The following ATRNL1 variants were observed in gnomAD, a reference collection of about 807,000 sequenced individuals.
The protein encoded by ATRNL1 is attractin-like protein 1.
ATRNL1 carries 95 observed loss-of-function variants against 182.7 expected under a neutral mutation model. The observed-to-expected ratio is 0.52, with a 90% confidence interval of 0.44 to 0.62. The LOEUF (loss-of-function observed/expected upper bound fraction) is 0.62, where lower values mean the gene tolerates loss of function less well. ATRNL1 is among the 20% of genes least tolerant of loss of function. The pLI, the probability that ATRNL1 is intolerant of heterozygous loss-of-function variation, is 0.00. For missense variants in ATRNL1, 1,471 were observed against 1,679.5 expected, an observed-to-expected ratio of 0.88 and a Z score of 2.17; for synonymous variants, 576 against 568.3, an observed-to-expected ratio of 1.01 and a Z score of -0.19.
chr10:115,416,056 G>C (rs1554960783), intron 20 of ATRNL1, among the ~76,000 whole-genome samples: 1 of 151,934 alleles, frequency 6.6e-6, no homozygotes, highest in Non-Finnish European at 1.5e-5. Context: ...CCTAAGCATT[G>C]AGATCAACTT....
At chr10:115,184,986 A>G (rs781826305) in intron 8 of ATRNL1, among the ~76,000 whole-genome samples, 23 of 152,006 alleles carry the variant, frequency 1.5e-4, no homozygotes, top group Non-Finnish European at 2.9e-4. Context: ...TGTTTAGACT[A>G]AAAAATAAGT....
At chr10:115,581,062 A>G (rs1855040517) in intron 26 of ATRNL1, among the ~76,000 whole-genome samples, 1 of 151,940 alleles carries the variant, frequency 6.6e-6, no homozygotes, top group African/African-American at 2.4e-5. Flanking sequence ...TTGGTTTTTT[A>G]TTCGGAGCAT....
chr10:115,481,900 C>A (rs1848787125), intron 24 of ATRNL1, among the ~76,000 whole-genome samples: 1 of 150,804 alleles, frequency 6.6e-6, no homozygotes, highest in Non-Finnish European at 1.5e-5. Context: ...TTGTTAAGAA[C>A]TTCTACTTCA....
At position 115,245,550 on chromosome 10, in the gene ATRNL1, G is replaced by T. The variant is rs1022373704; in HGVS notation, c.1687+3825G>T. Among the ~76,000 whole-genome samples the T allele has an allele frequency of 7.3e-5, 11 of 150,044 alleles. No homozygotes were observed. In the East Asian group the frequency reaches 1.8e-3, roughly 24 times the overall value. On this transcript the variant is annotated intron_variant, in intron 10 of 28. Transcript: ENST00000355044. ...CACTTAACTAATTAATGAAGCCTGG[G>T]ATACCTGATTTTGTCCAACTGTTTG...
chr10:115,486,308 G>A (rs914322599), intron 24 of ATRNL1, among the ~76,000 whole-genome samples: 1 of 152,052 alleles, frequency 6.6e-6, no homozygotes, highest in Non-Finnish European at 1.5e-5. Context: ...GCAGTTCCTT[G>A]AGGAATCACC....
intron 25 of ATRNL1, among the ~76,000 whole-genome samples, chr10:115,538,922 A>G (rs1015409754): frequency 6.6e-6 from 1 of 152,228 alleles, no homozygotes; most frequent in African/African-American, 2.4e-5. Context: ...TAGATACACA[A>G]AAACCATTGT....
chr10:115,832,075 G>C (rs1444449793), intron 27 of ATRNL1, among the ~76,000 whole-genome samples: 2 of 152,192 alleles, frequency 1.3e-5, no homozygotes, highest in African/African-American at 4.8e-5. Flanking sequence ...GGGGGAAAAA[G>C]CTAAGGTCAT....
At chr10:115,480,027 T>C (rs1178002326) in intron 24 of ATRNL1, among the ~76,000 whole-genome samples, 2 of 151,368 alleles carry the variant, frequency 1.3e-5, no homozygotes, top group Admixed American at 1.3e-4. Flanking sequence ...TTAATGAGAA[T>C]GATGCTAGGA....
chr10:115,817,877 G>GTTTTTTTTTTTTT (rs35087740), intron 27 of ATRNL1, among the ~76,000 whole-genome samples: 1 of 133,882 alleles, frequency 7.5e-6, no homozygotes, highest in Admixed American at 7.5e-5. Context: ...TTTACGTTGT[G>GTTTTTTTTTTTTT]TTTTTTTTTT....
chr10:115,096,739 A>G, intron 1 of ATRNL1: 1 of 1,285,090 alleles, frequency 7.8e-7, no homozygotes, highest in Non-Finnish European at 1.0e-6. Flanking sequence ...ATATAGTATC[A>G]AAAGTGGTAC....
At chr10:115,750,224 A>G (rs1166056177) in intron 27 of ATRNL1, among the ~76,000 whole-genome samples, 1 of 151,964 alleles carries the variant, frequency 6.6e-6, no homozygotes, top group Non-Finnish European at 1.5e-5. Flanking sequence ...GCAGGTTGTT[A>G]ATAGAATGTT....
intron 27 of ATRNL1, among the ~76,000 whole-genome samples, chr10:115,823,531 A>C (rs1404576528): frequency 1.3e-5 from 2 of 152,194 alleles, no homozygotes; most frequent in Admixed American, 1.3e-4. Flanking sequence ...AGAAAACCCC[A>C]TTGTCTCAGC....
At chr10:115,760,070 G>A (rs1224180329) in intron 27 of ATRNL1, among the ~76,000 whole-genome samples, 2 of 151,150 alleles carry the variant, frequency 1.3e-5, no homozygotes, top group South Asian at 4.2e-4. Context: ...GTGAATTTTA[G>A]TCAAAACAAA....
rs901206574 is a variant in ATRNL1, at chr10:115,918,533, A to C, written c.4019-26125A>C. Among the ~76,000 whole-genome samples, 3 of 152,228 alleles carry C rather than the reference A, an allele frequency of 2.0e-5. No homozygotes were observed. In the East Asian group the frequency reaches 5.8e-4, roughly 29 times the overall value. ...TAAATAATTTCAAGGCAATTATTTC[A>C]GTAACTTTAAAGAAATAATTAGAAT... On this transcript the variant is annotated intron_variant, in intron 28 of 28. Transcript: ENST00000355044.
chr10:115,876,752 T>C (rs1454854188), intron 28 of ATRNL1, among the ~76,000 whole-genome samples: 2 of 152,162 alleles, frequency 1.3e-5, no homozygotes, highest in African/African-American at 4.8e-5. Context: ...TTTTAAAGCA[T>C]TTTTTAGTAA....
rs545162120 is a variant in ATRNL1, at chr10:115,189,438, C to T, written c.1348+18146C>T. Among the ~76,000 whole-genome samples, 3 of 151,996 alleles carry T rather than the reference C, an allele frequency of 2.0e-5. No homozygotes were observed. The South Asian group carries it at 6.2e-4, about 32-fold the overall frequency. The stretch of plus-strand genomic sequence containing the variant: ...TGAGAGCTCCATGCATATGAATGCC[C>T]CTGAAGACCTTCCAGTGGGACAAGA... On this transcript the variant is annotated intron_variant, in intron 8 of 28. Coordinates refer to ENST00000355044, the MANE Select transcript of ATRNL1 (RefSeq NM_207303.4).
At chr10:115,845,939 T>C (rs542735862) in intron 27 of ATRNL1, among the ~76,000 whole-genome samples, 55 of 152,086 alleles carry the variant, frequency 3.6e-4, no homozygotes, top group Non-Finnish European at 6.9e-4. Context: ...AAAATAACTT[T>C]TAGTAGCCTG....
At position 115,351,767 on chromosome 10, in the gene ATRNL1, T is replaced by C. The variant is rs182559524; in HGVS notation, c.3175+17348T>C. ...GTGTTTTGTTTTGTTTTGTTTTGTT[T>C]TGTTTGTGTTTTTGTTTTTAATTGT... On this transcript the variant is annotated intron_variant, in intron 19 of 28. Coordinates refer to ENST00000355044, the MANE Select transcript of ATRNL1 (RefSeq NM_207303.4). 2.8e-4 allele frequency among the ~76,000 whole-genome samples: 42 copies of C among 152,136 alleles called. No homozygotes were observed. In the East Asian group the frequency reaches 7.7e-3, roughly 28 times the overall value.
chr10:115,488,268 A>G (rs569955289), intron 24 of ATRNL1, among the ~76,000 whole-genome samples: 3 of 152,070 alleles, frequency 2.0e-5, no homozygotes, highest in South Asian at 2.1e-4. Flanking sequence ...TTCTTTTTCT[A>G]TTGTTTGGAA....
Sources: allele counts gnomAD v4.1 joint callset (sites outside exome capture counted in the v4.1 genomes callset), GRCh38; gene constraint gnomAD v4.1.1; transcripts MANE v1.5; gene names NCBI Gene and HGNC (gene_info 2026-07-23, HGNC 2026-07-21).